The following UBE3D variants were observed in gnomAD, a reference collection of about 807,000 sequenced individuals.
UBE3D encodes the protein E3 ubiquitin-protein ligase E3D.
Under a neutral mutation model 49.6 loss-of-function variants are expected in UBE3D, and 48 were observed. The ratio of observed to expected loss-of-function variants is 0.97; its 90% confidence interval spans 0.77 to 1.23. The LOEUF (loss-of-function observed/expected upper bound fraction) is 1.23. Among genes scored for constraint, UBE3D ranks in the 50% most tolerant of loss-of-function variants. The probability of loss-of-function intolerance (pLI) is 0.00; values close to 1 mark genes in which losing one functional copy is unlikely to be tolerated. For synonymous variants in UBE3D, 189 were observed against 174.2 expected, an observed-to-expected ratio of 1.08 and a Z score of -0.67; for missense variants, 452 against 468.4, an observed-to-expected ratio of 0.96 and a Z score of 0.32.
chr6:82,942,846 C>T (rs1045964183), intron 9 of UBE3D, among the ~76,000 whole-genome samples: 23 of 152,178 alleles, frequency 1.5e-4, no homozygotes, highest in African/African-American at 5.3e-4. Context: ...GGGGTCTGAG[C>T]CCCCACACAG....
chr6:82,914,812 T>C (rs1294049960), intron 9 of UBE3D, among the ~76,000 whole-genome samples: 1 of 152,210 alleles, frequency 6.6e-6, no homozygotes, highest in African/African-American at 2.4e-5. Context: ...AACATCTTTG[T>C]GAATGCCTGC....
At chr6:82,911,394 C>CAATA (rs1388009688) in intron 9 of UBE3D, among the ~76,000 whole-genome samples, 1 of 151,988 alleles carries the variant, frequency 6.6e-6, no homozygotes, top group African/African-American at 2.4e-5. Context: ...GCTTCATTAC[C>CAATA]AATATACTGC....
At chr6:82,943,080 G>A (rs532575555) in intron 9 of UBE3D, among the ~76,000 whole-genome samples, 1 of 152,342 alleles carries the variant, frequency 6.6e-6, no homozygotes, top group Admixed American at 6.5e-5. Flanking sequence ...ACCTGAATGT[G>A]AAACATGGAG....
intron 8 of UBE3D, among the ~76,000 whole-genome samples, chr6:82,970,090 A>G (rs1404548229): frequency 6.8e-6 from 1 of 148,076 alleles, no homozygotes; most frequent in Non-Finnish European, 1.5e-5. Flanking sequence ...ATATAATTAT[A>G]TATAATTATA....
At chr6:82,905,246 GC>G (rs528207600) in intron 9 of UBE3D, among the ~76,000 whole-genome samples, 1 of 151,952 alleles carries the variant, frequency 6.6e-6, no homozygotes, top group Non-Finnish European at 1.5e-5. Context: ...AAGTCTACTG[GC>G]CCCCATTTTT....
chr6:82,987,046 G>A (rs1323898535), intron 8 of UBE3D, among the ~76,000 whole-genome samples: 2 of 151,920 alleles, frequency 1.3e-5, no homozygotes, highest in Non-Finnish European at 2.9e-5. Flanking sequence ...CTGGGCTCAA[G>A]CTATCCTCCT....
At chr6:83,005,561 T>C (rs987747324) in intron 8 of UBE3D, among the ~76,000 whole-genome samples, 36 of 151,726 alleles carry the variant, frequency 2.4e-4, no homozygotes, top group African/African-American at 8.2e-4. Context: ...GGCTGGAGGA[T>C]TGCTTGAGAC....
At chr6:83,061,055 A>G (rs1443165001) in intron 1 of UBE3D, among the ~76,000 whole-genome samples, 1 of 152,234 alleles carries the variant, frequency 6.6e-6, no homozygotes, top group Non-Finnish European at 1.5e-5. Context: ...CAAAGTTAAC[A>G]TAACCAATTT....
intron 4 of UBE3D, among the ~76,000 whole-genome samples, chr6:83,041,103 A>G (rs1360545809): frequency 6.6e-6 from 1 of 152,222 alleles, no homozygotes; most frequent in Non-Finnish European, 1.5e-5. Context: ...ATGTTACCAA[A>G]AACTAAGGGC....
intron 4 of UBE3D, among the ~76,000 whole-genome samples, chr6:83,044,030 T>C (rs1225479367): frequency 6.6e-6 from 1 of 152,156 alleles, no homozygotes; most frequent in Admixed American, 6.6e-5. Flanking sequence ...TGGGCAGAAA[T>C]AGTAAAATAC....
At chr6:82,892,229 C>A (rs1770999847), downstream of UBE3D, among the ~76,000 whole-genome samples, 1 of 152,112 alleles carries the variant, frequency 6.6e-6, no homozygotes, top group Non-Finnish European at 1.5e-5. Context: ...TGGCTCCAGT[C>A]CCAGCTTTGA....
chr6:82,979,036 A>G (rs183685142), intron 8 of UBE3D, among the ~76,000 whole-genome samples: 1 of 152,260 alleles, frequency 6.6e-6, no homozygotes, highest in Admixed American at 6.5e-5. Flanking sequence ...CTCCCTTATA[A>G]GACCTGGGAA....
chr6:83,003,557 A>G (rs1416220), intron 8 of UBE3D, among the ~76,000 whole-genome samples: 12,332 of 152,276 alleles, frequency 0.081, 1,158 homozygotes, highest in African/African-American at 0.22. Context: ...TGAGAAATGC[A>G]TTATTAGGCA....
At chr6:83,059,958 T>C (rs1246002030) in intron 1 of UBE3D, among the ~76,000 whole-genome samples, 2 of 152,174 alleles carry the variant, frequency 1.3e-5, no homozygotes, top group Non-Finnish European at 2.9e-5. Context: ...TTAGCTCAGC[T>C]GCTATAACAA....
chr6:82,937,322 A>ACAAAC (rs1774654168), intron 9 of UBE3D, among the ~76,000 whole-genome samples: 1 of 151,872 alleles, frequency 6.6e-6, no homozygotes, highest in South Asian at 2.1e-4. Flanking sequence ...TTCTAACAAA[A>ACAAAC]CAAAACAAAA....
chr6:82,911,217 A>AAC (rs1554183176), intron 9 of UBE3D, among the ~76,000 whole-genome samples: 1 of 150,954 alleles, frequency 6.6e-6, no homozygotes, highest in African/African-American at 2.4e-5. Context: ...AAAAAAAAAA[A>AAC]AAAAAACTCA....
intron 9 of UBE3D, among the ~76,000 whole-genome samples, chr6:82,914,020 C>CA (rs558506335): frequency 6.6e-4 from 101 of 152,284 alleles, no homozygotes; most frequent in Middle Eastern, 3.4e-3. Flanking sequence ...GTTTAAGAGA[C>CA]AGAGACACTG....
At chr6:83,005,521 G>A (rs900408100) in intron 8 of UBE3D, among the ~76,000 whole-genome samples, 2 of 151,830 alleles carry the variant, frequency 1.3e-5, no homozygotes, top group African/African-American at 4.8e-5. Context: ...GGTGGCTCAG[G>A]CACATAATCT....
chr6:83,027,458 A>AAAAAAAAAAAG (rs571635643), intron 5 of UBE3D, among the ~76,000 whole-genome samples: 6 of 147,568 alleles, frequency 4.1e-5, no homozygotes, highest in African/African-American at 1.2e-4. Flanking sequence ...AAAAAAAAAA[A>AAAAAAAAAAAG]AAAGAAACCA....
Sources: allele counts gnomAD v4.1 joint callset (sites outside exome capture counted in the v4.1 genomes callset), GRCh38; gene constraint gnomAD v4.1.1; transcripts MANE v1.5; gene names NCBI Gene and HGNC (gene_info 2026-07-23, HGNC 2026-07-21).